STARD8: variants seen among roughly 807,000 people sequenced by gnomAD.
STARD8 encodes StAR related lipid transfer domain containing 8.
Under a neutral mutation model 69.4 loss-of-function variants are expected in STARD8, and 25 were observed. That is an observed-to-expected ratio of 0.36 (90% CI 0.26 to 0.50). STARD8 has a LOEUF of 0.50. Ranked by LOEUF, STARD8 falls within the 20% of genes least tolerant of loss-of-function variation. The pLI, the probability that STARD8 is intolerant of heterozygous loss-of-function variation, is 0.96. For missense variants in STARD8, 921 were observed against 932.5 expected, an observed-to-expected ratio of 0.99 and a Z score of 0.16; for synonymous variants, 389 against 374.6, an observed-to-expected ratio of 1.04 and a Z score of -0.45.
At chrX:68,710,628 G>A (rs2147924879) in intron 2 of STARD8, among the ~76,000 whole-genome samples, 1 of 112,200 alleles carries the variant, frequency 8.9e-6, no homozygotes, top group South Asian at 3.7e-4. Flanking sequence ...AGCATCAGGG[G>A]AGGGAGGTGC....
chrX:68,658,190 TAC>T (rs1254275952), intron 1 of STARD8, among the ~76,000 whole-genome samples: 1 of 112,276 alleles, frequency 8.9e-6, no homozygotes, highest in African/African-American at 3.2e-5. Context: ...CTATGTGGTG[TAC>T]ACTGTTCGAA....
chrX:68,659,047 A>C (rs762669086), intron 1 of STARD8, among the ~76,000 whole-genome samples: 1 of 112,100 alleles, frequency 8.9e-6, no homozygotes, highest in African/African-American at 3.2e-5. Flanking sequence ...ATAATGTCAT[A>C]GATGGAAATA....
chrX:68,674,176 C>A (rs887558962), intron 2 of STARD8, among the ~76,000 whole-genome samples: 5 of 109,600 alleles, frequency 4.6e-5, no homozygotes, highest in Non-Finnish European at 7.6e-5. Flanking sequence ...TGCCTGTAAT[C>A]CCAGCTACTC....
At position 68,647,932 on chromosome X, in the gene STARD8, G is replaced by C. The variant is rs767989732; in HGVS notation, c.45+5G>C. The stretch of plus-strand genomic sequence containing the variant: ...TCTTGCTTCAGGAAGGTGAAGGTAA[G>C]TGACTGGCCAGCCCCAGCCCATCCC... On this transcript the variant is annotated splice_donor_5th_base_variant and intron_variant, in intron 1 of 14. Coordinates refer to ENST00000374599, the MANE Select transcript of STARD8 (RefSeq NM_001142503.3). 1.7e-6 allele frequency: 2 copies of C among 1,198,414 alleles called. No homozygotes were observed. The highest frequency in any genetic ancestry group is 2.3e-6 in the Non-Finnish European group (2 of 888,856).
intron 2 of STARD8, among the ~76,000 whole-genome samples, chrX:68,695,954 A>G (rs1458386535): frequency 9.0e-6 from 1 of 111,244 alleles, no homozygotes; most frequent in Non-Finnish European, 1.9e-5. Context: ...CTGCTAGGAG[A>G]CTCCTGGAGC....
At position 68,652,872 on chromosome X, in the gene STARD8, C is replaced by CACACACACACCACACACACA. The variant is rs777903190; in HGVS notation, c.45+4945_45+4946insACACACACACCACACACACA. On this transcript the variant is annotated intron_variant, in intron 1 of 14. Coordinates refer to ENST00000374599, the MANE Select transcript of STARD8 (RefSeq NM_001142503.3). ...ACACACCACACCACACACACACACA[C>CACACACACACCACACACACA]CCACACCCCACACACACACACCACA... 3.7e-3 allele frequency among the ~76,000 whole-genome samples: 101 copies of CACACACACACCACACACACA among 27,240 alleles called. 3 individuals carry two copies. The highest frequency in any genetic ancestry group is 0.017 in the African/African-American group (95 of 5,587). The allele number at this position is 27,240 out of a possible 115,157, so 23.7% of individuals were successfully genotyped here. A position where few individuals can be genotyped will look rare whatever the true frequency, so the allele number is the denominator to read the frequency against.
intron 1 of STARD8, among the ~76,000 whole-genome samples, chrX:68,653,081 C>A (rs2079571427): frequency 1.0e-4 from 1 of 9,776 alleles, no homozygotes; most frequent in Non-Finnish European, 2.0e-4. Context: ...ACACACACAC[C>A]ACACCACACA....
Position 68,725,217 on chromosome X carries a change from A to G in STARD8, c.*795A>G, listed in dbSNP as rs1173198839. ...CTTTGGCCACGCACTGACACTGCCC[A>G]GGCCAAGCAAAAGCAGAGTGTGGTT... is the stretch of plus-strand genomic sequence containing the variant. On this transcript the variant is annotated 3_prime_UTR_variant, in exon 15 of 15. Transcript: ENST00000374599. 1 of 110,609 alleles carries G rather than the reference A, an allele frequency of 9.0e-6. No individual in the cohort carries two copies. The highest frequency in any genetic ancestry group is 3.3e-5 in the African/African-American group (1 of 30,359). 9.1% of individuals were successfully genotyped at this position (110,609 alleles called of 1,213,427 possible).
At chrX:68,648,006 G>A (rs2147862048) in intron 1 of STARD8, 79 bp downstream of exon 1, 1 of 1,115,337 alleles carries the variant, frequency 9.0e-7, no homozygotes, top group Middle Eastern at 2.4e-4. Context: ...GCACCAGCTG[G>A]GAAAACGGAC....
intron 1 of STARD8, among the ~76,000 whole-genome samples, chrX:68,653,453 A>ACACACACACACCCCACACCC (rs1193754896): frequency 5.4e-5 from 1 of 18,577 alleles, no homozygotes; most frequent in African/African-American, 2.1e-4. Context: ...ACCTCACACC[A>ACACACACACACCCCACACCC]CACACACACA....
intron 2 of STARD8, among the ~76,000 whole-genome samples, chrX:68,709,419 A>G (rs2080033003): frequency 1.8e-5 from 2 of 112,224 alleles, no homozygotes; most frequent in South Asian, 7.4e-4. Context: ...TCAGAGTCAG[A>G]GTTGGGGTGG....
chrX:68,687,816 G>A (rs908724250), intron 2 of STARD8, among the ~76,000 whole-genome samples: 5 of 111,814 alleles, frequency 4.5e-5, no homozygotes, highest in Non-Finnish European at 5.7e-5. Context: ...CATCCACCCC[G>A]GAAGCCTGGC....
rs367886774 is a variant in STARD8, at chrX:68,718,415, G to A, written c.1501G>A (p.Ala501Thr). ...PAPAQDSEQE[A>T]HSGGEPTFAS... ...CCCAGCCCAGGACAGTGAGCAGGAG[G>A]CACATTCAGGCGGGGAACCCACCTT... The change falls in exon 6 of 15, where the codon GCA becomes ACA. Residue 501 changes from alanine to threonine, a missense_variant. Transcript: ENST00000374599. The A allele has an allele frequency of 2.5e-6, 3 of 1,210,415 alleles. No homozygotes were observed. Among genetic ancestry groups the A allele is most frequent in the Middle Eastern group, 2.3e-4 (1 of 4,349 alleles).
At chrX:68,689,991 A>AGTTTT (rs370985430) in intron 2 of STARD8, among the ~76,000 whole-genome samples, 6,451 of 107,770 alleles carry the variant, frequency 0.06, 542 homozygotes, top group African/African-American at 0.2. Flanking sequence ...CTCCTCAGGA[A>AGTTTT]GTTTTGTTTT....
chrX:68,685,261 A>G (rs1206294188), intron 2 of STARD8, among the ~76,000 whole-genome samples: 1 of 111,846 alleles, frequency 8.9e-6, no homozygotes, highest in Non-Finnish European at 1.9e-5. Context: ...TTTACAGATG[A>G]GGAAACTGAG....
intron 4 of STARD8, 151 bp from the exon 5 acceptor site, chrX:68,716,217 G>T: frequency 2.0e-6 from 1 of 488,332 alleles, no homozygotes; most frequent in Non-Finnish European, 3.5e-6. Flanking sequence ...AATCTTCCCA[G>T]CATTGTGTCT....
chrX:68,664,172 G>A (rs1030876665), intron 1 of STARD8, among the ~76,000 whole-genome samples: 8 of 111,484 alleles, frequency 7.2e-5, no homozygotes, highest in African/African-American at 2.6e-4. Context: ...AAGGAGAACA[G>A]GCAAGAAGAC....
rs1382466670 is a variant in STARD8, at chrX:68,721,238, T to A, written c.2248+116T>A. On this transcript the variant is annotated intron_variant, in intron 9 of 14. Transcript: ENST00000374599. ...AATGTAGCTGGACCTGTGAGCTGAT[T>A]GGAACAGTTACTATCTGGAGTTGGA... 4 of 869,623 alleles carry A rather than the reference T, an allele frequency of 4.6e-6. No individual in the cohort carries two copies. The African/African-American group carries it at 8.0e-5, about 17-fold the overall frequency. 71.7% of individuals were successfully genotyped at this position (869,623 alleles called of 1,213,427 possible).
chrX:68,684,544 C>A (rs762168337), intron 2 of STARD8, among the ~76,000 whole-genome samples: 1 of 112,845 alleles, frequency 8.9e-6, no homozygotes, highest in South Asian at 3.6e-4. Context: ...CTGAGGCCTC[C>A]TTTTCCGCGG....
Sources: allele counts gnomAD v4.1 joint callset (sites outside exome capture counted in the v4.1 genomes callset), GRCh38; gene constraint gnomAD v4.1.1; transcripts MANE v1.5; gene names NCBI Gene and HGNC (gene_info 2026-07-23, HGNC 2026-07-21).